Variants in SH3PXD2A observed in about 807,000 individuals in gnomAD.
The protein encoded by SH3PXD2A is SH3 and PX domain-containing protein 2A.
In SH3PXD2A, 32 loss-of-function variants were observed where a neutral mutation model predicts 115.2. That is an observed-to-expected ratio of 0.28 (90% CI 0.21 to 0.37). The LOEUF (loss-of-function observed/expected upper bound fraction) is 0.37. Among genes scored for constraint, SH3PXD2A ranks in the 10% least tolerant of loss-of-function variants. The probability of loss-of-function intolerance (pLI) is 1.00; values close to 1 mark genes in which losing one functional copy is unlikely to be tolerated. For missense variants in SH3PXD2A, 1,328 were observed against 1,498.7 expected (o/e 0.89, Z 1.88); for synonymous variants, 610 against 629.1 (o/e 0.97, Z 0.45).
intron 4 of SH3PXD2A, among the ~76,000 whole-genome samples, chr10:103,726,151 A>T (rs971565133): frequency 2.6e-5 from 4 of 152,148 alleles, no homozygotes; most frequent in African/African-American, 9.7e-5. Flanking sequence ...AGACAGGAAA[A>T]CCCAGGACTG....
At chr10:103,634,967 G>T (rs962901480) in intron 8 of SH3PXD2A, among the ~76,000 whole-genome samples, 2 of 152,162 alleles carry the variant, frequency 1.3e-5, no homozygotes, top group African/African-American at 4.8e-5. Context: ...CCACATGGCG[G>T]TGGTCGTTAA....
intron 5 of SH3PXD2A, among the ~76,000 whole-genome samples, chr10:103,706,931 C>T (rs77683461): frequency 0.023 from 3,456 of 152,280 alleles, 129 homozygotes; most frequent in African/African-American, 0.078. Context: ...GGCAGCAGCC[C>T]GCGGCCTCCT....
chr10:103,760,600 T>C (rs56309638), intron 3 of SH3PXD2A, among the ~76,000 whole-genome samples: 15,158 of 150,742 alleles, frequency 0.1, 815 homozygotes, highest in South Asian at 0.14. Flanking sequence ...TTAAAATATA[T>C]ACATGTATAT....
intron 5 of SH3PXD2A, among the ~76,000 whole-genome samples, chr10:103,717,512 A>C (rs894306356): frequency 3.9e-5 from 6 of 152,166 alleles, no homozygotes; most frequent in Non-Finnish European, 7.4e-5. Flanking sequence ...GAGGCTGGCG[A>C]CAAGCTAAGA....
chr10:103,673,584 A>T (rs1379544226), intron 6 of SH3PXD2A: 1 of 152,134 alleles, frequency 6.6e-6, no homozygotes. Context: ...AGTATAAAAT[A>T]ATTTTTAAAA....
At chr10:103,698,045 C>T (rs2037845615) in intron 5 of SH3PXD2A, among the ~76,000 whole-genome samples, 1 of 152,224 alleles carries the variant, frequency 6.6e-6, no homozygotes, top group Non-Finnish European at 1.5e-5. Context: ...ACCCACAATG[C>T]TCCAAAGGGG....
Position 103,622,525 on chromosome 10 carries a change from C to T in SH3PXD2A, c.747G>A (p.Arg249=), listed in dbSNP as rs1183940213. 3 of 1,550,310 alleles carry T rather than the reference C, an allele frequency of 1.9e-6. No individual in the cohort carries two copies. Among genetic ancestry groups the T allele is most frequent in the East Asian group, 2.4e-5 (1 of 40,936 alleles). ...EVSKRRKAHL[R]RLDRRWTLGG... is the part of the protein sequence containing the mutation. ...CCAGGGTCCACCGGCGATCCAGGCG[C>T]CGCAGATGGGCCTTGCGTCTCTTGG... Residue 249 remains arginine (R), a synonymous_variant, in exon 10 of 15, where the codon CGG becomes CGA. Coordinates refer to ENST00000369774, the MANE Select transcript of SH3PXD2A (RefSeq NM_001394015.1).
chr10:103,615,483 G>GGTGGGTGTGTGTGTGTGT (rs2036498902), intron 11 of SH3PXD2A, among the ~76,000 whole-genome samples: 1 of 128,524 alleles, frequency 7.8e-6, no homozygotes, highest in Non-Finnish European at 1.6e-5. Context: ...AGAGTGCGAG[G>GGTGGGTGTGTGTGTGTGT]GTGTGTGTGT....
chr10:103,649,822 A>G (rs1430494055), intron 8 of SH3PXD2A, among the ~76,000 whole-genome samples: 1 of 152,220 alleles, frequency 6.6e-6, no homozygotes, highest in Non-Finnish European at 1.5e-5. Context: ...TGCCTGGCCA[A>G]CCTCAACAGC....
intron 1 of SH3PXD2A, among the ~76,000 whole-genome samples, chr10:103,837,235 T>C (rs1328490909): frequency 6.6e-6 from 1 of 152,188 alleles, no homozygotes; most frequent in African/African-American, 2.4e-5. Flanking sequence ...ATCTGACTCC[T>C]CTCTAACGAG....
intron 1 of SH3PXD2A, among the ~76,000 whole-genome samples, chr10:103,810,461 G>A (rs950827572): frequency 5.3e-5 from 8 of 152,154 alleles, no homozygotes; most frequent in South Asian, 2.1e-4. Context: ...ACCAGAGGCC[G>A]TCTTGGCTTC....
At chr10:103,734,180 C>T (rs886081825) in intron 4 of SH3PXD2A, among the ~76,000 whole-genome samples, 5 of 152,188 alleles carry the variant, frequency 3.3e-5, no homozygotes, top group African/African-American at 1.2e-4. Context: ...CAGCTCTTCT[C>T]CTTCTGATAC....
At chr10:103,678,051 G>T in intron 6 of SH3PXD2A, 1 of 1,133,190 alleles carries the variant, frequency 8.8e-7, no homozygotes, top group Non-Finnish European at 1.2e-6. Context: ...CTGCTTTAAT[G>T]CCCTTCAAAG....
intron 1 of SH3PXD2A, among the ~76,000 whole-genome samples, chr10:103,845,811 C>T (rs1187362976): frequency 6.6e-6 from 1 of 152,170 alleles, no homozygotes; most frequent in Non-Finnish European, 1.5e-5. Context: ...CCAAGGTCTC[C>T]TTTAGTGAGA....
At chr10:103,838,724 TG>T (rs934005141) in intron 1 of SH3PXD2A, among the ~76,000 whole-genome samples, 2 of 152,098 alleles carry the variant, frequency 1.3e-5, no homozygotes, top group African/African-American at 4.8e-5. Context: ...CGGTCCTAAG[TG>T]GGGGATCTTT....
At chr10:103,653,647 C>T (rs1265151214) in intron 8 of SH3PXD2A, among the ~76,000 whole-genome samples, 2 of 152,186 alleles carry the variant, frequency 1.3e-5, no homozygotes, top group Non-Finnish European at 2.9e-5. Context: ...GTGGAGGGAG[C>T]ACCCCCATGC....
At chr10:103,640,398 C>T (rs1048864244) in intron 8 of SH3PXD2A, among the ~76,000 whole-genome samples, 1 of 152,036 alleles carries the variant, frequency 6.6e-6, no homozygotes, top group African/African-American at 2.4e-5. Context: ...TCCTGGGCTC[C>T]TGTCTGCAGC....
In SH3PXD2A at chr10:103,622,573, T is replaced by C; in HGVS notation, c.719-20A>G. On this transcript the variant is annotated intron_variant, in intron 9 of 14. Transcript: ENST00000369774. ...TGGACACTGGTGTGGGAGATGGCGA[T>C]GGAGCATGCGGCCAACAGCAACCGG... 3.3e-6 allele frequency: 5 copies of C among 1,523,834 alleles called. No homozygotes were observed. Among genetic ancestry groups the C allele is most frequent in the Non-Finnish European group, 4.4e-6 (5 of 1,126,958 alleles). The allele number at this position is 1,523,834 out of a possible 1,614,324, so 94.4% of individuals were successfully genotyped here.
intron 2 of SH3PXD2A, among the ~76,000 whole-genome samples, chr10:103,789,471 C>T (rs1411555506): frequency 6.6e-6 from 1 of 152,116 alleles, no homozygotes; most frequent in Non-Finnish European, 1.5e-5. Flanking sequence ...ACTTGAAATT[C>T]CCTCCAGCAG....
Sources: gnomAD v4.1 joint callset for allele counts (sites outside exome capture counted in the v4.1 genomes callset) on GRCh38, gnomAD v4.1.1 for gene constraint, MANE v1.5 for transcripts, NCBI Gene and HGNC (gene_info 2026-07-23, HGNC 2026-07-21) for gene names.